Variants in AIG1 observed in about 807,000 individuals in gnomAD.
AIG1 encodes androgen induced 1, also known as androgen-induced gene 1 protein.
In AIG1, 23 loss-of-function variants were observed where a neutral mutation model predicts 31.4. That is an observed-to-expected ratio of 0.73 (90% CI 0.53 to 1.04). AIG1 has a LOEUF of 1.04. AIG1 is among the 50% of genes least tolerant of loss of function. AIG1 has a pLI of 0.00. For missense variants in AIG1, 274 were observed against 295.0 expected (o/e 0.93, Z 0.52); for synonymous variants, 100 against 110.5 (o/e 0.90, Z 0.60).
In AIG1 at chr6:143,333,292, G is replaced by T; in HGVS notation, c.526G>T (p.Val176Leu). 6.2e-7 allele frequency: 1 copy of T among 1,611,694 alleles called. No individual in the cohort carries two copies. Among genetic ancestry groups the T allele is most frequent in the Non-Finnish European group, 8.5e-7 (1 of 1,179,126 alleles). ...SVGYILWVCWVHHVTGMWVYP... is the reference protein window; with the variant it reads ...SVGYILWVCWLHHVTGMWVYP... ...CCGATTCTTTTGCAGGGTGTGCTGGGTGCATCATGTAACTGGCATGTGGGT... is the reference window on the plus strand; with the variant it reads ...CCGATTCTTTTGCAGGGTGTGCTGGTTGCATCATGTAACTGGCATGTGGGT... Residue 176 changes from valine to leucine, a missense_variant, in exon 5 of 6, where the codon GTG (valine) becomes TTG (leucine). Around this residue, in one of 2 missense-constraint regions of AIG1, gnomAD observed 243 missense variants for 238.5 expected, o/e 1.02. Transcript: ENST00000357847. This position sits in a 1 kb window ranked among gnomAD's most constrained non-coding sequence, Gnocchi z 4.6.
intron 4 of AIG1, among the ~76,000 whole-genome samples, chr6:143,301,960 G>A (rs1322004610): frequency 6.6e-6 from 1 of 152,088 alleles, no homozygotes; most frequent in Non-Finnish European, 1.5e-5. Context: ...TGTCCGCTAA[G>A]CTGGACTAGT....
chr6:143,190,401 T>C, intron 3 of AIG1: 1 of 981,908 alleles, frequency 1.0e-6, no homozygotes, highest in South Asian at 4.7e-5. Flanking sequence ...CTTCTCCTGG[T>C]GATATTTTCC....
upstream of AIG1, chr6:143,060,787 C>CCCCCGCCCCCGCCCCCG (rs1038205525): frequency 1.0e-5 from 1 of 96,616 alleles, no homozygotes; most frequent in East Asian, 3.3e-4. Context: ...GCGCGCCCCG[C>CCCCCGCCCCCGCCCCCG]CCCCGCCCCC....
At chr6:143,167,957 T>C (rs1009871070) in intron 3 of AIG1, among the ~76,000 whole-genome samples, 24 of 152,186 alleles carry the variant, frequency 1.6e-4, no homozygotes, top group African/African-American at 5.5e-4. Flanking sequence ...TTAAACAATT[T>C]ACATTACTTG....
intron 4 of AIG1, among the ~76,000 whole-genome samples, chr6:143,313,571 C>T (rs560135883): frequency 6.6e-6 from 1 of 150,994 alleles, no homozygotes; most frequent in African/African-American, 2.4e-5. Context: ...TTAATGGTGG[C>T]AATGAGGGTT....
chr6:143,077,864 TTAATA>T (rs1444553480), intron 1 of AIG1, among the ~76,000 whole-genome samples: 13 of 152,234 alleles, frequency 8.5e-5, no homozygotes, highest in Admixed American at 8.5e-4. Context: ...AAGCCGCCAC[TTAATA>T]TTAACACTTG....
intron 4 of AIG1, among the ~76,000 whole-genome samples, chr6:143,318,352 G>A (rs566419443): frequency 2.6e-5 from 4 of 152,044 alleles, no homozygotes; most frequent in South Asian, 2.1e-4. Context: ...ACTGATCTTC[G>A]ATAAAGCAAA....
chr6:143,115,730 G>A (rs1423131983), intron 1 of AIG1, among the ~76,000 whole-genome samples: 1 of 152,232 alleles, frequency 6.6e-6, no homozygotes, highest in East Asian at 1.9e-4. Context: ...GTAAGCACCT[G>A]TAGTTGATCA....
At chr6:143,263,609 C>T (rs1162509738) in intron 3 of AIG1, among the ~76,000 whole-genome samples, 2 of 152,114 alleles carry the variant, frequency 1.3e-5, no homozygotes, top group Non-Finnish European at 2.9e-5. Flanking sequence ...GTTCTTCAGA[C>T]AAAGGAATCG....
At chr6:143,200,100 A>G (rs1790575673) in intron 3 of AIG1, among the ~76,000 whole-genome samples, 1 of 152,160 alleles carries the variant, frequency 6.6e-6, no homozygotes, top group African/African-American at 2.4e-5. Context: ...GAGAAAATTG[A>G]TACTTTTTAT....
At chr6:143,082,326 T>G (rs1276104798) in intron 1 of AIG1, among the ~76,000 whole-genome samples, 1 of 152,078 alleles carries the variant, frequency 6.6e-6, no homozygotes, top group Non-Finnish European at 1.5e-5. Flanking sequence ...GTATACAAGT[T>G]GAGGTCGGGA....
At chr6:143,318,477 C>T (rs942935512) in intron 4 of AIG1, among the ~76,000 whole-genome samples, 2 of 151,970 alleles carry the variant, frequency 1.3e-5, no homozygotes, top group Admixed American at 6.6e-5. Flanking sequence ...ATACAGAAAT[C>T]AACTCAAGAT....
At chr6:143,159,110 T>C (rs117306026) in intron 2 of AIG1, among the ~76,000 whole-genome samples, 1 of 152,282 alleles carries the variant, frequency 6.6e-6, no homozygotes, top group East Asian at 1.9e-4. Context: ...CTATTTAAGC[T>C]AGATGTGAAA....
chr6:143,274,879 G>A (rs1352071658), intron 3 of AIG1, among the ~76,000 whole-genome samples: 1 of 152,190 alleles, frequency 6.6e-6, no homozygotes, highest in Non-Finnish European at 1.5e-5. Context: ...GGATTGCTGT[G>A]AGAATTAAAT....
intron 3 of AIG1, among the ~76,000 whole-genome samples, chr6:143,171,441 T>TTAA: frequency 1.2e-5 from 1 of 86,508 alleles, no homozygotes; most frequent in African/African-American, 5.6e-5. Context: ...AATATATATA[T>TTAA]AATATATATA....
intron 3 of AIG1, among the ~76,000 whole-genome samples, chr6:143,264,511 G>A (rs1267377694): frequency 6.6e-6 from 1 of 152,236 alleles, no homozygotes; most frequent in African/African-American, 2.4e-5. Flanking sequence ...CACAGGAGGT[G>A]CACAGAGCCA....
chr6:143,272,266 T>G (rs1248383358), intron 3 of AIG1, among the ~76,000 whole-genome samples: 2 of 152,212 alleles, frequency 1.3e-5, no homozygotes, highest in African/African-American at 4.8e-5. Flanking sequence ...TAGGCTAACT[T>G]ACCCGAAGAT....
intron 4 of AIG1, among the ~76,000 whole-genome samples, chr6:143,324,405 T>C: frequency 6.6e-6 from 1 of 152,158 alleles, no homozygotes; most frequent in East Asian, 1.9e-4. Flanking sequence ...TTATAGTCAG[T>C]GGGAAAAAAA....
intron 4 of AIG1, among the ~76,000 whole-genome samples, chr6:143,290,182 G>A (rs891016490): frequency 2.6e-4 from 39 of 152,210 alleles, no homozygotes; most frequent in Admixed American, 2.4e-3. Flanking sequence ...GGGGCATAAG[G>A]CAGAGTGAGA....
Sources: allele counts gnomAD v4.1 joint callset (sites outside exome capture counted in the v4.1 genomes callset), GRCh38; gene constraint gnomAD v4.1.1; regional missense constraint gnomAD v4.1.1; non-coding constraint Gnocchi (gnomAD v3.1); transcripts MANE v1.5; gene names NCBI Gene and HGNC (gene_info 2026-07-23, HGNC 2026-07-21).